SCN9A: variants seen among roughly 807,000 people sequenced by gnomAD.
SCN9A encodes the protein sodium channel protein type 9 subunit alpha.
A neutral mutation model predicts 187.0 loss-of-function variants in SCN9A; 131 were observed. The ratio of observed to expected loss-of-function variants is 0.70; its 90% CI spans 0.61 to 0.81. The LOEUF (loss-of-function observed/expected upper bound fraction) is 0.81. Ranked by LOEUF, SCN9A falls within the 30% of genes least tolerant of loss-of-function variation. SCN9A has a pLI of 0.00. For synonymous variants in SCN9A, 809 were observed against 808.6 expected (o/e 1.00, Z -0.01); for missense variants, 2,252 against 2,396.6 (o/e 0.94, Z 1.26).
intron 2 of SCN9A, among the ~76,000 whole-genome samples, chr2:166,307,608 T>C (rs765838143): frequency 3.4e-4 from 52 of 152,160 alleles, no homozygotes; most frequent in Non-Finnish European, 6.5e-4. Context: ...AATCACTGAG[T>C]TCAATTTCTT....
At chr2:166,281,503 T>C (rs1574859074) in intron 13 of SCN9A, among the ~76,000 whole-genome samples, 176 bp downstream of exon 13, 1 of 152,172 alleles carries the variant, frequency 6.6e-6, no homozygotes, top group Non-Finnish European at 1.5e-5. Context: ...ATTTTATCCA[T>C]TTTTAAGCAC....
chr2:166,247,461 G>A (rs565296075), intron 18 of SCN9A, among the ~76,000 whole-genome samples: 1 of 152,192 alleles, frequency 6.6e-6, no homozygotes, highest in East Asian at 1.9e-4. Context: ...AAAACATTTT[G>A]AAAGGAAGAT....
intron 17 of SCN9A, among the ~76,000 whole-genome samples, chr2:166,262,173 T>G (rs1696536529): frequency 6.6e-6 from 1 of 151,918 alleles, no homozygotes; most frequent in Non-Finnish European, 1.5e-5. Flanking sequence ...AACTTGAATT[T>G]GGTCTAGATG....
In SCN9A at chr2:166,199,975, G is replaced by GTTTTTTTTTTTTTTTTTT. The variant is rs764524434; in HGVS notation, c.4775-129_4775-112dup. Reference sequence around the variant, plus strand: ...ACTCATTTCTTATGAATTCAAGACAGTTTTTTTTTTTTTTTTTTTTTTTTT... The same window carrying GTTTTTTTTTTTTTTTTTT: ...ACTCATTTCTTATGAATTCAAGACAGTTTTTTTTTTTTTTTTTTTTTTTTTTTTTTTTTTTTTTTTTTT... On this transcript the variant is annotated intron_variant, in intron 26 of 26. Transcript: ENST00000642356. 16 of 79,332 alleles carry GTTTTTTTTTTTTTTTTTT rather than the reference G, an allele frequency of 2.0e-4. 6 individuals are homozygous for GTTTTTTTTTTTTTTTTTT. The highest frequency in any genetic ancestry group is 4.7e-4 in the African/African-American group (5 of 10,640). 4.9% of individuals were successfully genotyped at this position (79,332 alleles called of 1,614,324 possible). A position where few individuals can be genotyped will look rare whatever the true frequency, so the allele number is the denominator to read the frequency against.
chr2:166,214,756 C>T (rs1029441378), intron 24 of SCN9A, among the ~76,000 whole-genome samples: 10 of 151,322 alleles, frequency 6.6e-5, no homozygotes, highest in South Asian at 2.1e-4. Context: ...CCTCGTGATC[C>T]GCCCGCCTCG....
At chr2:166,354,310 C>T (rs1700104054) in intron 1 of SCN9A, among the ~76,000 whole-genome samples, 1 of 151,870 alleles carries the variant, frequency 6.6e-6, no homozygotes, top group Non-Finnish European at 1.5e-5. Flanking sequence ...CATCGAAATA[C>T]AATTTAAAAA....
At chr2:166,300,786 G>A (rs1698519346) in intron 7 of SCN9A, 1 of 150,940 alleles carries the variant, frequency 6.6e-6, no homozygotes, top group South Asian at 2.1e-4. Context: ...ATAATGTACA[G>A]ATTTGGAAGA....
intron 1 of SCN9A, 100 bp from the exon 2 acceptor site, chr2:166,311,906 T>A: frequency 1.6e-6 from 1 of 631,320 alleles, no homozygotes; most frequent in South Asian, 3.2e-5. Context: ...TAGTTTCAAC[T>A]ACAAAAGGTA....
At chr2:166,232,948 A>C (rs1031781255) in intron 21 of SCN9A, among the ~76,000 whole-genome samples, 1 of 147,408 alleles carries the variant, frequency 6.8e-6, no homozygotes, top group African/African-American at 2.5e-5. Flanking sequence ...TACTATTTTT[A>C]GTAATATACT....
At chr2:166,210,519 CAA>C (rs34448541) in intron 24 of SCN9A, among the ~76,000 whole-genome samples, 14 of 96,348 alleles carry the variant, frequency 1.5e-4, no homozygotes, top group Admixed American at 2.2e-4. Flanking sequence ...AGATGGACAC[CAA>C]AAAAAAAAAA....
intron 24 of SCN9A, among the ~76,000 whole-genome samples, chr2:166,205,797 GAACTTA>G (rs1277960517): frequency 1.3e-5 from 2 of 151,496 alleles, no homozygotes; most frequent in Non-Finnish European, 2.9e-5. Flanking sequence ...AATCTACAAA[GAACTTA>G]AACAAATTTA....
chr2:166,203,307 A>G (rs1574704111), intron 26 of SCN9A, among the ~76,000 whole-genome samples: 1 of 151,946 alleles, frequency 6.6e-6, no homozygotes, highest in South Asian at 2.1e-4. Flanking sequence ...ACAATCCTAA[A>G]ATACTTTGCA....
Position 166,280,430 on chromosome 2 carries a change from T to C in SCN9A, c.2270A>G (p.Asn757Ser), listed in dbSNP as rs1434787082. ...DLAITICIVL[N>S]TLFMAMEHHP... ...GTGTTCCATAGCCATAAATAATGTG[T>C]TTAAAACTATGCAAATGGTAATTGC... is the stretch of plus-strand genomic sequence containing the variant. The change falls in exon 14 of 27, where the codon AAC becomes AGC. Residue 757 changes from asparagine to serine, a missense_variant. By Grantham distance (46) the Asn-to-Ser change is conservative. Around this residue, in one of 7 missense-constraint regions of SCN9A, gnomAD observed 1,013 missense variants for 997.4 expected, o/e 1.02. Coordinates refer to ENST00000642356, the MANE Select transcript of SCN9A (RefSeq NM_001365536.1). The C allele has an allele frequency of 1.9e-6, 3 of 1,592,204 alleles. No homozygotes were observed. The highest frequency in any genetic ancestry group is 2.6e-6 in the Non-Finnish European group (3 of 1,167,856).
chr2:166,370,045 TTTAC>T (rs1350336075), intron 1 of SCN9A, among the ~76,000 whole-genome samples: 2 of 151,916 alleles, frequency 1.3e-5, no homozygotes, highest in African/African-American at 4.8e-5. Context: ...AATATCTACA[TTTAC>T]TTCTTTTTTC....
At chr2:166,340,339 A>C (rs958059985) in intron 1 of SCN9A, among the ~76,000 whole-genome samples, 1 of 152,178 alleles carries the variant, frequency 6.6e-6, no homozygotes, top group Non-Finnish European at 1.5e-5. Context: ...GTGTTTCCAC[A>C]TTGATTGCAA....
intron 1 of SCN9A, among the ~76,000 whole-genome samples, chr2:166,327,806 G>A (rs1005540213): frequency 6.6e-6 from 1 of 151,946 alleles, no homozygotes; most frequent in Admixed American, 6.6e-5. Context: ...ATTTGTCCAG[G>A]CCATTTCACT....
rs74333059 is a variant in SCN9A, at chr2:166,238,261, C to G, written c.3634G>C (p.Glu1212Gln). ...TTTTTCCTTTCAATATAAATATCTT[C>G]AAAAGCCTGTGGAAATAATATTCAA... ...ILLSSGALAF[E>Q]DIYIERKKTI... The change falls in exon 20 of 27, where the codon GAA (glutamate) becomes CAA (glutamine). Residue 1212 changes from glutamate to glutamine, a missense_variant. This residue lies in a region of SCN9A where 313 missense variants were observed against 295.3 expected (regional missense o/e 1.06). Transcript: ENST00000642356. 1 of 1,552,904 alleles carries G rather than the reference C, an allele frequency of 6.4e-7. No homozygotes were observed. The highest frequency in any genetic ancestry group is 1.4e-5 in the African/African-American group (1 of 72,456).
Position 166,231,109 on chromosome 2 carries a change from T to C in SCN9A, c.3925-2137A>G, listed in dbSNP as rs143023354. ...GCATCCAATTCACCTGTAATACAGA[T>C]AAAGAACAAAGAGCAAACAGAGTTA... On this transcript the variant is annotated intron_variant, in intron 21 of 26. Transcript: ENST00000642356. Among the ~76,000 whole-genome samples the C allele has an allele frequency of 1.8e-3, 281 of 152,308 alleles. 4 individuals carry two copies. The East Asian group carries it at 0.022, about 12-fold the overall frequency.
intron 1 of SCN9A, among the ~76,000 whole-genome samples, chr2:166,315,434 T>C (rs1244259789): frequency 6.6e-6 from 1 of 152,034 alleles, no homozygotes; most frequent in African/African-American, 2.4e-5. Context: ...CTAAAGTATA[T>C]GAAAAAAGCA....
Sources: allele counts gnomAD v4.1 joint callset (sites outside exome capture counted in the v4.1 genomes callset), GRCh38; gene constraint gnomAD v4.1.1; regional missense constraint gnomAD v4.1.1; transcripts MANE v1.5; gene names NCBI Gene and HGNC (gene_info 2026-07-23, HGNC 2026-07-21).